The following EPHA5 variants were observed in gnomAD, a reference collection of about 807,000 sequenced individuals.
The protein encoded by EPHA5 is ephrin type-A receptor 5.
In EPHA5, 60 loss-of-function variants were observed where a neutral mutation model predicts 105.0. The observed-to-expected ratio is 0.57, with a 90% CI of 0.46 to 0.71. EPHA5 has a LOEUF of 0.71. Ranked by LOEUF, EPHA5 falls within the 30% of genes least tolerant of loss-of-function variation. The pLI is 0.00. For synonymous variants in EPHA5, 513 were observed against 449.1 expected (o/e 1.14, Z -1.80); for missense variants, 1,218 against 1,274.7 (o/e 0.96, Z 0.68).
intron 8 of EPHA5, among the ~76,000 whole-genome samples, chr4:65,374,743 T>A (rs375490614): frequency 3.9e-4 from 59 of 152,006 alleles, no homozygotes; most frequent in African/African-American, 1.4e-3. Context: ...CGAAAAACAA[T>A]GGAATTCTAA....
At chr4:65,616,238 A>T (rs1745225636) in intron 2 of EPHA5, among the ~76,000 whole-genome samples, 1 of 152,014 alleles carries the variant, frequency 6.6e-6, no homozygotes, top group South Asian at 2.1e-4. Flanking sequence ...ATAAAATTTT[A>T]GAAGTGGAGA....
intron 3 of EPHA5, among the ~76,000 whole-genome samples, chr4:65,505,390 A>G (rs1416217612): frequency 6.6e-6 from 1 of 152,070 alleles, no homozygotes; most frequent in East Asian, 1.9e-4. Flanking sequence ...TTAACAACTT[A>G]AATTCTTCAT....
intron 5 of EPHA5, among the ~76,000 whole-genome samples, chr4:65,486,457 T>C (rs1436514950): frequency 3.3e-5 from 5 of 152,176 alleles, no homozygotes; most frequent in African/African-American, 1.2e-4. Context: ...GCCAAAGGGA[T>C]GCATTTCCTG....
At chr4:65,446,975 ATTTT>A (rs397993760) in intron 5 of EPHA5, among the ~76,000 whole-genome samples, 2 of 112,906 alleles carry the variant, frequency 1.8e-5, no homozygotes, top group South Asian at 5.7e-4. Flanking sequence ...TTAAAAGCTC[ATTTT>A]TTTTTTTTTT....
intron 4 of EPHA5, 88 bp downstream of exon 4, chr4:65,495,300 A>G (rs1330641822): frequency 7.5e-7 from 1 of 1,335,192 alleles, no homozygotes; most frequent in Non-Finnish European, 1.0e-6. Context: ...TTAGGGGGAA[A>G]TGTTACTAGA....
intron 2 of EPHA5, among the ~76,000 whole-genome samples, chr4:65,635,868 A>G (rs1747077195): frequency 6.6e-6 from 1 of 152,194 alleles, no homozygotes; most frequent in African/African-American, 2.4e-5. Context: ...TAGGCTAGTG[A>G]AGCTATGAAT....
At chr4:65,327,703 T>C (rs1375093621) in intron 16 of EPHA5, among the ~76,000 whole-genome samples, 1 of 151,310 alleles carries the variant, frequency 6.6e-6, no homozygotes, top group African/African-American at 2.4e-5. Context: ...AGCAACTAAG[T>C]AGTTTCTTTT....
intron 2 of EPHA5, among the ~76,000 whole-genome samples, chr4:65,628,570 G>T (rs1245973421): frequency 2.0e-5 from 3 of 152,066 alleles, no homozygotes; most frequent in East Asian, 1.9e-4. Flanking sequence ...AAAAATAAAC[G>T]TTATAAGATG....
intron 8 of EPHA5, among the ~76,000 whole-genome samples, chr4:65,398,702 G>A (rs1234129021): frequency 6.6e-6 from 1 of 152,168 alleles, no homozygotes; most frequent in Non-Finnish European, 1.5e-5. Flanking sequence ...GCAAATAGGA[G>A]CTACCCACTC....
chr4:65,365,038 A>G lies in EPHA5; in HGVS notation c.2152T>C (p.Leu718=). 2 of 1,610,946 alleles carry G rather than the reference A, an allele frequency of 1.2e-6. No homozygotes were observed. The highest frequency in any genetic ancestry group is 8.5e-7 in the Non-Finnish European group (1 of 1,177,952). The change falls in exon 11 of 17, where the codon TTA becomes CTA. Residue 718 remains leucine (L), a synonymous_variant. Transcript: ENST00000613740. ...TTACTTTTGGTCACCACACCTTCTA[A>G]ATGGATGATGTTAGGATGATCAAAC... is the stretch of plus-strand genomic sequence containing the variant. ...GQFDHPNIIH[L]EGVVTKSKPV... is the part of the protein sequence containing the mutation.
At chr4:65,457,652 A>G (rs538821992) in intron 5 of EPHA5, among the ~76,000 whole-genome samples, 2 of 152,048 alleles carry the variant, frequency 1.3e-5, no homozygotes, top group East Asian at 3.9e-4. Context: ...TTTCTAAATT[A>G]TTACTTTTTG....
intron 3 of EPHA5, among the ~76,000 whole-genome samples, chr4:65,577,882 T>C (rs1741220579): frequency 6.6e-6 from 1 of 152,162 alleles, no homozygotes; most frequent in African/African-American, 2.4e-5. Context: ...CAGACTGGTA[T>C]GTGACTGATT....
chr4:65,340,898 G>T (rs1364801386), intron 14 of EPHA5, among the ~76,000 whole-genome samples: 1 of 152,008 alleles, frequency 6.6e-6, no homozygotes, highest in Non-Finnish European at 1.5e-5. Flanking sequence ...TATGCACGTT[G>T]CTTCCAGGCA....
chr4:65,409,370 T>TAAATAAATAAATAAAA (rs1473635126), intron 7 of EPHA5, among the ~76,000 whole-genome samples: 3 of 149,712 alleles, frequency 2.0e-5, no homozygotes, highest in Non-Finnish European at 3.0e-5. Context: ...AATAAATAAA[T>TAAATAAATAAATAAAA]AAAAGAGCTT....
chr4:65,566,380 A>G (rs1739534875), intron 3 of EPHA5, among the ~76,000 whole-genome samples: 1 of 151,784 alleles, frequency 6.6e-6, no homozygotes, highest in Non-Finnish European at 1.5e-5. Context: ...GACACCTCAC[A>G]TAGTTCCTTA....
chr4:65,458,589 T>G (rs1485040669), intron 5 of EPHA5, among the ~76,000 whole-genome samples: 1 of 152,162 alleles, frequency 6.6e-6, no homozygotes, highest in African/African-American at 2.4e-5. Flanking sequence ...TTAATCTTCC[T>G]AATAAACCTA....
intron 3 of EPHA5, among the ~76,000 whole-genome samples, chr4:65,555,404 C>T (rs753557472): frequency 9.2e-5 from 14 of 151,922 alleles, no homozygotes; most frequent in East Asian, 3.9e-4. Flanking sequence ...GCCCACCTAT[C>T]TGACTATGAG....
chr4:65,430,274 T>C (rs1724850880), intron 5 of EPHA5, among the ~76,000 whole-genome samples: 1 of 151,878 alleles, frequency 6.6e-6, no homozygotes, highest in Non-Finnish European at 1.5e-5. Context: ...ATATTTTTTG[T>C]TCCACTGGAA....
chr4:65,503,397 A>G (rs550032193), intron 3 of EPHA5, among the ~76,000 whole-genome samples: 2 of 151,864 alleles, frequency 1.3e-5, no homozygotes, highest in Non-Finnish European at 2.9e-5. Context: ...TCTCTTGAAT[A>G]ATATCAAACA....
Sources: gnomAD v4.1 joint callset for allele counts (sites outside exome capture counted in the v4.1 genomes callset) on GRCh38, gnomAD v4.1.1 for gene constraint, MANE v1.5 for transcripts, NCBI Gene and HGNC (gene_info 2026-07-23, HGNC 2026-07-21) for gene names.